The following FRS2 variants were observed in gnomAD, a reference collection of about 807,000 sequenced individuals.
The protein encoded by FRS2 is FGFR signalling adaptor.
A neutral mutation model predicts 43.9 loss-of-function variants in FRS2; 8 were observed. The ratio of observed to expected loss-of-function variants is 0.18; its 90% CI spans 0.11 to 0.33. The LOEUF (loss-of-function observed/expected upper bound fraction) is 0.33. Ranked by LOEUF, FRS2 falls within the 10% of genes least tolerant of loss-of-function variation. The pLI is 1.00. For missense variants in FRS2, 534 were observed against 627.6 expected (o/e 0.85, Z 1.59); for synonymous variants, 219 against 220.3 (o/e 0.99, Z 0.05).
intron 1 of FRS2, among the ~76,000 whole-genome samples, chr12:69,490,974 T>A (rs978810127): frequency 6.6e-6 from 1 of 152,262 alleles, no homozygotes; most frequent in African/African-American, 2.4e-5. Context: ...TGATCTAAAA[T>A]TTAAAGATAC....
At chr12:69,502,433 C>T (rs1253669147) in intron 1 of FRS2, among the ~76,000 whole-genome samples, 1 of 151,680 alleles carries the variant, frequency 6.6e-6, no homozygotes, top group Admixed American at 6.6e-5. Context: ...TGGGGTCTCA[C>T]TGGTTGCCCA....
At chr12:69,542,276 CCTTA>C (rs1951273486) in intron 3 of FRS2, among the ~76,000 whole-genome samples, 1 of 152,172 alleles carries the variant, frequency 6.6e-6, no homozygotes, top group African/African-American at 2.4e-5. Context: ...GAATTTAAAA[CCTTA>C]CTTCATGATG....
intron 1 of FRS2, among the ~76,000 whole-genome samples, chr12:69,489,982 G>T: frequency 6.6e-6 from 1 of 151,080 alleles, no homozygotes; most frequent in Non-Finnish European, 1.5e-5. Flanking sequence ...GAGCTATATA[G>T]TTTGATTAAA....
chr12:69,563,065 T>C (rs1468821596), intron 4 of FRS2, among the ~76,000 whole-genome samples: 1 of 152,216 alleles, frequency 6.6e-6, no homozygotes, highest in African/African-American at 2.4e-5. Flanking sequence ...TAAAATCATT[T>C]GTGTTTTTGC....
intron 3 of FRS2, among the ~76,000 whole-genome samples, chr12:69,551,237 A>G (rs1224958235): frequency 1.3e-5 from 2 of 152,098 alleles, no homozygotes; most frequent in Non-Finnish European, 2.9e-5. Flanking sequence ...CTGTAGTCCT[A>G]ACTACTTTGG....
intron 1 of FRS2, among the ~76,000 whole-genome samples, chr12:69,530,067 AC>A (rs1200983073): frequency 6.6e-6 from 1 of 152,186 alleles, no homozygotes. Context: ...AGAAAAAAAA[AC>A]AAAAACCAGT....
At chr12:69,501,645 A>C (rs1250276455) in intron 1 of FRS2, among the ~76,000 whole-genome samples, 2 of 152,182 alleles carry the variant, frequency 1.3e-5, no homozygotes, top group Non-Finnish European at 2.9e-5. Context: ...CACTGTAGAA[A>C]TATGCTCCAC....
At chr12:69,508,379 T>G (rs914043220) in intron 1 of FRS2, among the ~76,000 whole-genome samples, 2 of 152,228 alleles carry the variant, frequency 1.3e-5, no homozygotes, top group Non-Finnish European at 2.9e-5. Flanking sequence ...TTAGAATTGC[T>G]ACATTCCCAA....
intron 1 of FRS2, among the ~76,000 whole-genome samples, chr12:69,516,220 T>A (rs1361534782): frequency 6.9e-6 from 1 of 144,736 alleles, no homozygotes; most frequent in Non-Finnish European, 1.5e-5. Flanking sequence ...TTATTATTAC[T>A]ATTTTTTTTT....
At chr12:69,556,493 C>T (rs529877950) in intron 3 of FRS2, among the ~76,000 whole-genome samples, 4 of 151,944 alleles carry the variant, frequency 2.6e-5, no homozygotes, top group Non-Finnish European at 5.9e-5. Context: ...CCATCGCACC[C>T]GGCTAATTTT....
chr12:69,560,107 A>G (rs1281036584), intron 3 of FRS2, among the ~76,000 whole-genome samples: 1 of 152,212 alleles, frequency 6.6e-6, no homozygotes, highest in African/African-American at 2.4e-5. Flanking sequence ...ATAATTTAGG[A>G]CAGCTTTACT....
At chr12:69,509,232 C>T (rs1874235107) in intron 1 of FRS2, among the ~76,000 whole-genome samples, 1 of 152,002 alleles carries the variant, frequency 6.6e-6, no homozygotes. Context: ...AGATTGGGGT[C>T]TCTCATTCAC....
At chr12:69,550,263 G>A (rs1878760094) in intron 3 of FRS2, among the ~76,000 whole-genome samples, 1 of 152,144 alleles carries the variant, frequency 6.6e-6, no homozygotes, top group Non-Finnish European at 1.5e-5. Context: ...ATTAAGGCTA[G>A]CACTTAAGTA....
At chr12:69,572,870 G>A (rs1048281390) in intron 8 of FRS2, among the ~76,000 whole-genome samples, 3 of 152,044 alleles carry the variant, frequency 2.0e-5, no homozygotes, top group Admixed American at 6.6e-5. Flanking sequence ...TTGGTCTGTC[G>A]CCCAGGCTGG....
At chr12:69,551,297 G>A (rs1878849572) in intron 3 of FRS2, among the ~76,000 whole-genome samples, 1 of 152,128 alleles carries the variant, frequency 6.6e-6, no homozygotes, top group East Asian at 1.9e-4. Context: ...AGGCTGCAGT[G>A]AGCTTTGATC....
rs974223061 is a variant in FRS2 at position 69,553,949 on chromosome 12, C to T, written c.-121-8231C>T. ...GGGGGCTTTTCAAGACATTCATTCCCCTAAGATGTGAATTTTGAGCATAGC... is the reference window on the plus strand; with the variant it reads ...GGGGGCTTTTCAAGACATTCATTCCTCTAAGATGTGAATTTTGAGCATAGC... On this transcript the variant is annotated intron_variant, in intron 3 of 8. Coordinates refer to ENST00000549921, the MANE Select transcript of FRS2 (RefSeq NM_001278356.2). Among the ~76,000 whole-genome samples the T allele has an allele frequency of 6.6e-5, 10 of 152,246 alleles. No homozygotes were observed. The South Asian group carries it at 1.5e-3, about 22-fold the overall frequency.
At chr12:69,547,580 A>G (rs928827451) in intron 3 of FRS2, among the ~76,000 whole-genome samples, 2 of 152,232 alleles carry the variant, frequency 1.3e-5, no homozygotes, top group African/African-American at 4.8e-5. Flanking sequence ...AGAAATAAAT[A>G]TAAATTATAC....
intron 1 of FRS2, among the ~76,000 whole-genome samples, chr12:69,488,416 ATAAAG>A (rs892773207): frequency 1.8e-4 from 27 of 152,340 alleles, no homozygotes; most frequent in African/African-American, 6.5e-4. Context: ...TTTTTTAGTA[ATAAAG>A]TATTTTAAAA....
At chr12:69,472,610 A>G (rs1319048207) in intron 1 of FRS2, among the ~76,000 whole-genome samples, 1 of 152,226 alleles carries the variant, frequency 6.6e-6, no homozygotes, top group Non-Finnish European at 1.5e-5. Context: ...GGAAAATCAG[A>G]TACTGATTGT....
Sources: allele counts gnomAD v4.1 joint callset (sites outside exome capture counted in the v4.1 genomes callset), GRCh38; gene constraint gnomAD v4.1.1; transcripts MANE v1.5; gene names NCBI Gene and HGNC (gene_info 2026-07-23, HGNC 2026-07-21).